Variants in MDN1 observed in about 807,000 individuals in gnomAD.
MDN1 encodes the protein midasin.
In MDN1, 266 loss-of-function variants were observed where a neutral mutation model predicts 669.2. The ratio of observed to expected loss-of-function variants is 0.40; its 90% confidence interval spans 0.36 to 0.44. The LOEUF is 0.44. MDN1 is among the 20% of genes least tolerant of loss of function. MDN1 has a pLI of 1.00. For missense variants in MDN1, 5,940 were observed against 6,754.0 expected (o/e 0.88, Z 4.22); for synonymous variants, 2,385 against 2,457.1 (o/e 0.97, Z 0.87).
intron 95 of MDN1, among the ~76,000 whole-genome samples, chr6:89,651,813 G>A (rs761727): frequency 0.86 from 130,899 of 152,202 alleles, 56,432 homozygotes; most frequent in East Asian, 1. Flanking sequence ...TTAAAAATAA[G>A]ACTGCTGGTT....
chr6:89,651,815 C>T (rs898946062), intron 95 of MDN1, among the ~76,000 whole-genome samples: 1 of 152,162 alleles, frequency 6.6e-6, no homozygotes, highest in Non-Finnish European at 1.5e-5. Context: ...AAAAATAAGA[C>T]TGCTGGTTAA....
intron 53 of MDN1, among the ~76,000 whole-genome samples, chr6:89,703,680 A>C (rs1002896632): frequency 5.9e-5 from 9 of 152,176 alleles, no homozygotes; most frequent in African/African-American, 2.2e-4. Context: ...TCTGACAGAC[A>C]CTGTATTGAA....
chr6:89,740,408 G>C, intron 31 of MDN1, 30 bp from the exon 32 acceptor site: 2 of 1,545,060 alleles, frequency 1.3e-6, no homozygotes, highest in Non-Finnish European at 8.7e-7. Context: ...ACAGTGAAAA[G>C]GGCTTATACA....
At chr6:89,683,065 G>A in intron 73 of MDN1, 67 bp downstream of exon 73, 3 of 1,501,252 alleles carry the variant, frequency 2.0e-6, no homozygotes, top group Admixed American at 1.7e-5. Context: ...GGCATGCCTT[G>A]CACATAAAAC....
At chr6:89,648,941 A>G (rs2128297930) in intron 97 of MDN1, among the ~76,000 whole-genome samples, 2 of 151,314 alleles carry the variant, frequency 1.3e-5, no homozygotes, top group South Asian at 4.2e-4. Flanking sequence ...GTGAGCTATG[A>G]TCATGCCACT....
In MDN1 at chr6:89,646,561, G is replaced by A; in HGVS notation, c.16438C>T (p.Leu5480Phe). ...TCACCTGAACTGATGTTCTGCGAGA[G>A]CTGCTGAGCAGCTGCAAACATGTTG... ...VANMFAAAQQLSQNISSETAQ... is the reference protein window; with the variant it reads ...VANMFAAAQQFSQNISSETAQ... Residue 5480 changes from leucine to phenylalanine, a missense_variant, in exon 100 of 102, where the codon CTC becomes TTC. By Grantham distance (22) the Leu-to-Phe change is conservative. This residue lies in a region of MDN1 where 2,280 missense variants were observed against 2,576.3 expected (regional missense o/e 0.88). Transcript: ENST00000369393. 1 of 1,614,172 alleles carries A rather than the reference G, an allele frequency of 6.2e-7. No homozygotes were observed. The highest frequency in any genetic ancestry group is 8.5e-7 in the Non-Finnish European group (1 of 1,179,976).
chr6:89,669,505 C>T (rs1013988246), intron 83 of MDN1, among the ~76,000 whole-genome samples: 1 of 152,158 alleles, frequency 6.6e-6, no homozygotes, highest in Non-Finnish European at 1.5e-5. Flanking sequence ...ATTTCAGAGA[C>T]TCGGAACTAA....
At chr6:89,731,801 C>G (rs34357923) in intron 34 of MDN1, among the ~76,000 whole-genome samples, 1 of 17,976 alleles carries the variant, frequency 5.6e-5, no homozygotes, top group Middle Eastern at 0.026. Context: ...TAGTACCGCC[C>G]CCCCCCCCCA....
intron 34 of MDN1, 118 bp from the exon 35 acceptor site, chr6:89,731,041 A>G: frequency 1.3e-6 from 1 of 778,894 alleles, no homozygotes; most frequent in South Asian, 1.8e-5. Context: ...ACTGCAGCCT[A>G]AATGTGATTT....
chr6:89,739,425 A>C (rs1300387094), intron 32 of MDN1, among the ~76,000 whole-genome samples: 2 of 152,186 alleles, frequency 1.3e-5, no homozygotes, highest in Non-Finnish European at 2.9e-5. Flanking sequence ...ATCTTGAAGC[A>C]TAGAGACAAT....
At chr6:89,737,684 G>A (rs1209825749) in intron 33 of MDN1, among the ~76,000 whole-genome samples, 1 of 150,482 alleles carries the variant, frequency 6.6e-6, no homozygotes, top group East Asian at 1.9e-4. Context: ...GATGGAGTCT[G>A]TCGCCCAGGC....
intron 1 of MDN1, among the ~76,000 whole-genome samples, chr6:89,815,888 T>C (rs4707574): frequency 0.13 from 19,166 of 152,112 alleles, 1,309 homozygotes; most frequent in East Asian, 0.22. Flanking sequence ...GAGGAAGGCA[T>C]AGGAGATAGT....
Position 89,770,723 on chromosome 6 carries a change from G to A in MDN1, c.2144+838C>T, listed in dbSNP as rs190258371. ...TCATCATGTTGGCCAGGCTGGTCTC[G>A]AACTCCTGACCTCAAGTGATTCACC... On this transcript the variant is annotated intron_variant, in intron 15 of 101. Transcript: ENST00000369393. Among the ~76,000 whole-genome samples, 213 of 152,156 alleles carry A rather than the reference G, an allele frequency of 1.4e-3. 3 individuals carry two copies. The highest frequency in any genetic ancestry group is 4.7e-3 in the African/African-American group (196 of 41,506).
At chr6:89,704,781 C>T (rs1044432442) in intron 53 of MDN1, among the ~76,000 whole-genome samples, 4 of 152,126 alleles carry the variant, frequency 2.6e-5, no homozygotes, top group Admixed American at 2.0e-4. Context: ...GGGGTTTCAC[C>T]GTGTTAGCCA....
At chr6:89,711,148 G>A (rs1813889088) in intron 49 of MDN1, among the ~76,000 whole-genome samples, 1 of 152,170 alleles carries the variant, frequency 6.6e-6, no homozygotes, top group Non-Finnish European at 1.5e-5. Context: ...AAAGGCTCAT[G>A]TAAACTCAAT....
At chr6:89,741,761 T>G (rs1311090767) in intron 31 of MDN1, among the ~76,000 whole-genome samples, 1 of 152,136 alleles carries the variant, frequency 6.6e-6, no homozygotes, top group Non-Finnish European at 1.5e-5. Context: ...CAACTTCCTG[T>G]GATTTCAACC....
At chr6:89,782,209 C>A (rs1009514824) in intron 9 of MDN1, among the ~76,000 whole-genome samples, 11 of 152,188 alleles carry the variant, frequency 7.2e-5, no homozygotes, top group Admixed American at 5.9e-4. Flanking sequence ...AAGCAACCAA[C>A]TCTAAAGAAT....
In MDN1 at chr6:89,661,515, C is replaced by T. The variant is rs147212241; in HGVS notation, c.14629G>A (p.Glu4877Lys). 2.5e-5 allele frequency: 40 copies of T among 1,614,182 alleles called. No individual in the cohort carries two copies. The highest frequency in any genetic ancestry group is 1.7e-4 in the Middle Eastern group (1 of 6,060). The change falls in exon 88 of 102, where the codon GAG becomes AAG. Residue 4877 changes from glutamate (E) to lysine (K), a missense_variant. Physicochemically the swap from Glu to Lys is moderately conservative, Grantham distance 56. This residue lies in a region of MDN1 where 2,280 missense variants were observed against 2,576.3 expected (regional missense o/e 0.88). Coordinates refer to ENST00000369393, the MANE Select transcript of MDN1 (RefSeq NM_014611.3). ...HGNQEKVPEP[E>K]ALDLPDDLNL... is the part of the protein sequence containing the mutation. ...AAGTCATCTGGAAGGTCCAAAGCCT[C>T]GGGTTCTGGCACCTTTTCCTGATTG...
At chr6:89,769,163 G>A (rs1034181616) in intron 15 of MDN1, among the ~76,000 whole-genome samples, 8 of 152,034 alleles carry the variant, frequency 5.3e-5, no homozygotes, top group Non-Finnish European at 7.4e-5. Context: ...CCAGCAACAC[G>A]GCCTGAGGAT....
Sources: gnomAD v4.1 joint callset for allele counts (sites outside exome capture counted in the v4.1 genomes callset) on GRCh38, gnomAD v4.1.1 for gene constraint, gnomAD v4.1.1 regional missense constraint, MANE v1.5 for transcripts, NCBI Gene and HGNC (gene_info 2026-07-23, HGNC 2026-07-21) for gene names.